The following RBMS3 variants were observed in gnomAD, a reference collection of about 807,000 sequenced individuals.
RBMS3 encodes the protein RNA binding motif single stranded interacting protein 3.
A neutral mutation model predicts 66.8 loss-of-function variants in RBMS3; 27 were observed. The ratio of observed to expected loss-of-function variants is 0.40; its 90% CI spans 0.30 to 0.56. The LOEUF (loss-of-function observed/expected upper bound fraction) is 0.56, where lower values mean the gene tolerates loss of function less well. Ranked by LOEUF, RBMS3 falls within the 20% of genes least tolerant of loss-of-function variation. The pLI, the probability that RBMS3 is intolerant of heterozygous loss-of-function variation, is 0.40. For synonymous variants in RBMS3, 188 were observed against 183.0 expected (o/e 1.03, Z -0.22); for missense variants, 513 against 549.5 (o/e 0.93, Z 0.66).
intron 4 of RBMS3, among the ~76,000 whole-genome samples, chr3:29,663,701 C>T (rs1559548049): frequency 6.6e-6 from 1 of 152,168 alleles, no homozygotes; most frequent in Non-Finnish European, 1.5e-5. Context: ...CATGGCATCA[C>T]TGGGAGGCTC....
At chr3:29,411,907 T>C (rs953344481) in intron 1 of RBMS3, among the ~76,000 whole-genome samples, 18 of 152,206 alleles carry the variant, frequency 1.2e-4, no homozygotes, top group Non-Finnish European at 2.6e-4. Flanking sequence ...CCCATGTCTG[T>C]CAAAGGATGT....
chr3:29,753,983 A>G (rs2149369898), intron 5 of RBMS3, among the ~76,000 whole-genome samples: 1 of 151,102 alleles, frequency 6.6e-6, no homozygotes, highest in Admixed American at 6.6e-5. Context: ...TTTGAGACAG[A>G]GTCTCATTCT....
intron 6 of RBMS3, among the ~76,000 whole-genome samples, chr3:29,820,930 C>A (rs2058062179): frequency 6.6e-6 from 1 of 152,142 alleles, no homozygotes; most frequent in Non-Finnish European, 1.5e-5. Flanking sequence ...AATAAACAAA[C>A]CAACCTTGCT....
intron 4 of RBMS3, among the ~76,000 whole-genome samples, chr3:29,621,056 C>T (rs980166842): frequency 2.0e-5 from 3 of 152,074 alleles, no homozygotes; most frequent in Non-Finnish European, 4.4e-5. Context: ...ACCCATAGCT[C>T]ATAAAGGCTG....
intron 1 of RBMS3, among the ~76,000 whole-genome samples, chr3:29,299,624 A>G (rs921204573): frequency 6.6e-6 from 1 of 151,958 alleles, no homozygotes; most frequent in African/African-American, 2.4e-5. Context: ...AAAATAATAC[A>G]AATAAAAATA....
intron 2 of RBMS3, among the ~76,000 whole-genome samples, chr3:29,436,809 C>T (rs2041421449): frequency 6.6e-6 from 1 of 152,146 alleles, no homozygotes; most frequent in Non-Finnish European, 1.5e-5. Context: ...GGGGTAGAGC[C>T]CAAGAATATG....
chr3:29,487,269 G>A (rs901628862), intron 2 of RBMS3, among the ~76,000 whole-genome samples: 5 of 151,982 alleles, frequency 3.3e-5, no homozygotes, highest in Non-Finnish European at 5.9e-5. Context: ...GTTTTTAAAG[G>A]GAATAATCTC....
intron 4 of RBMS3, among the ~76,000 whole-genome samples, chr3:29,681,005 T>C (rs1032724872): frequency 1.3e-4 from 20 of 152,344 alleles, no homozygotes; most frequent in African/African-American, 4.6e-4. Context: ...TCTGCATTGA[T>C]GCATACATAC....
intron 4 of RBMS3, among the ~76,000 whole-genome samples, chr3:29,710,487 A>C (rs73829319): frequency 0.076 from 11,582 of 152,200 alleles, 1,473 homozygotes; most frequent in African/African-American, 0.26. Context: ...TAATTTACCA[A>C]AGGTCACACA....
chr3:29,634,496 T>C (rs2049402807), intron 4 of RBMS3, among the ~76,000 whole-genome samples: 1 of 151,856 alleles, frequency 6.6e-6, no homozygotes, highest in Non-Finnish European at 1.5e-5. Context: ...CAGCAGCCCC[T>C]CATCACTAAC....
chr3:29,590,211 T>C (rs1414349259), intron 4 of RBMS3, among the ~76,000 whole-genome samples: 1 of 152,050 alleles, frequency 6.6e-6, no homozygotes, highest in Admixed American at 6.6e-5. Flanking sequence ...GAATCCTGGC[T>C]CTGGTACCAC....
chr3:29,682,558 GAT>G (rs1293542266), intron 4 of RBMS3, among the ~76,000 whole-genome samples: 19 of 152,196 alleles, frequency 1.2e-4, no homozygotes, highest in African/African-American at 4.1e-4. Context: ...AGAGTACCAA[GAT>G]TTCTTACAGT....
rs1278836331 is a variant in RBMS3 at position 29,762,938 on chromosome 3, G to A, written c.586G>A (p.Val196Ile). 1 of 1,610,394 alleles carries A rather than the reference G, an allele frequency of 6.2e-7. No individual in the cohort carries two copies. The highest frequency in any genetic ancestry group is 8.5e-7 in the Non-Finnish European group (1 of 1,177,782). ...GGAGTCTACTGAAAAATGTGAAGTG[G>A]TAATTCAACATTTTAATGGAAAATA... Reference protein sequence around the residue: ...RMESTEKCEVVIQHFNGKYLK... With the variant: ...RMESTEKCEVIIQHFNGKYLK... Residue 196 changes from valine (V) to isoleucine (I), a missense_variant, in exon 6 of 15, where the codon GTA becomes ATA. Val to Ile is a conservative substitution (Grantham distance 29). Transcript: ENST00000383767.
intron 6 of RBMS3, among the ~76,000 whole-genome samples, chr3:29,859,675 T>C (rs775227100): frequency 2.0e-5 from 3 of 152,218 alleles, no homozygotes; most frequent in South Asian, 4.1e-4. Flanking sequence ...ACACAAAACA[T>C]AATTAAATAC....
At chr3:29,970,537 T>G (rs762792798) in intron 12 of RBMS3, among the ~76,000 whole-genome samples, 4 of 152,192 alleles carry the variant, frequency 2.6e-5, no homozygotes, top group Admixed American at 6.5e-5. Flanking sequence ...ATATTAAGAT[T>G]TGTCCTTTTG....
At chr3:29,994,227 T>G (rs1270541808) in intron 14 of RBMS3, among the ~76,000 whole-genome samples, 1 of 152,146 alleles carries the variant, frequency 6.6e-6, no homozygotes, top group African/African-American at 2.4e-5. Flanking sequence ...CCCACGGGCT[T>G]AAAAAATGGC....
At chr3:29,631,138 A>G (rs1043850078) in intron 4 of RBMS3, among the ~76,000 whole-genome samples, 2 of 152,098 alleles carry the variant, frequency 1.3e-5, no homozygotes, top group South Asian at 4.1e-4. Context: ...TCTTTCTCCT[A>G]ATTGCATTAT....
chr3:29,523,908 A>T (rs878891037), intron 3 of RBMS3, among the ~76,000 whole-genome samples: 8 of 151,054 alleles, frequency 5.3e-5, no homozygotes, highest in Admixed American at 2.6e-4. Context: ...CTAATTTTAA[A>T]TTTTTTTTTG....
At chr3:29,764,078 G>A (rs1422091236) in intron 6 of RBMS3, among the ~76,000 whole-genome samples, 1 of 151,240 alleles carries the variant, frequency 6.6e-6, no homozygotes, top group African/African-American at 2.4e-5. Flanking sequence ...TATACAAAAA[G>A]AGAAATATTT....
Sources: gnomAD v4.1 joint callset for allele counts (sites outside exome capture counted in the v4.1 genomes callset) on GRCh38, gnomAD v4.1.1 for gene constraint, MANE v1.5 for transcripts, NCBI Gene and HGNC (gene_info 2026-07-23, HGNC 2026-07-21) for gene names.